ADCY2: variants seen among roughly 807,000 people sequenced by gnomAD.
The protein encoded by ADCY2 is adenylate cyclase 2.
In ADCY2, 31 loss-of-function variants were observed where a neutral mutation model predicts 125.2. The observed-to-expected ratio is 0.25, with a 90% CI of 0.19 to 0.33. The LOEUF (loss-of-function observed/expected upper bound fraction) is 0.33. Ranked by LOEUF, ADCY2 falls within the 10% of genes least tolerant of loss-of-function variation. The pLI is 1.00. For missense variants in ADCY2, 904 were observed against 1,418.2 expected (o/e 0.64, Z 5.82); for synonymous variants, 512 against 548.4 (o/e 0.93, Z 0.93).
chr5:7,802,059 G>A lies in ADCY2; in HGVS notation c.2629-159G>A, dbSNP rs1378529763. 4.3e-6 allele frequency: 3 copies of A among 697,756 alleles called. No homozygotes were observed. The highest frequency in any genetic ancestry group is 2.0e-5 in the South Asian group (1 of 49,466). 43.2% of individuals were successfully genotyped at this position (697,756 alleles called of 1,614,324 possible). The stretch of plus-strand genomic sequence containing the variant: ...TAGAAGCTTTCCCCTGAGAGCAGCG[G>A]CAGCATCTGGATTGGGCCGCGGCTG... On this transcript the variant is annotated intron_variant, in intron 20 of 24. Transcript: ENST00000338316. This position sits in a 1 kb window ranked among gnomAD's most constrained non-coding sequence, Gnocchi z 4.6.
At chr5:7,653,606 T>TA (rs1201964121) in intron 4 of ADCY2, among the ~76,000 whole-genome samples, 2,026 of 140,600 alleles carry the variant, frequency 0.014, 25 homozygotes, top group African/African-American at 0.029. Context: ...GACTCTGTCT[T>TA]AAAAAAAAAA....
At chr5:7,580,584 G>A (rs987605277) in intron 3 of ADCY2, among the ~76,000 whole-genome samples, 2 of 152,142 alleles carry the variant, frequency 1.3e-5, no homozygotes, top group Non-Finnish European at 2.9e-5. Context: ...CAAAGGCTCA[G>A]TAATCTATAT....
At chr5:7,623,083 T>G (rs1399517751) in intron 3 of ADCY2, among the ~76,000 whole-genome samples, 1 of 152,056 alleles carries the variant, frequency 6.6e-6, no homozygotes, top group African/African-American at 2.4e-5. Context: ...CATATTGGAG[T>G]GTCAGTGTCG....
chr5:7,792,602 C>G (rs770281435), intron 20 of ADCY2, among the ~76,000 whole-genome samples: 5 of 152,134 alleles, frequency 3.3e-5, no homozygotes, highest in Non-Finnish European at 5.9e-5. Context: ...GCCAGACCTC[C>G]AGGAGTAGCA....
intron 2 of ADCY2, among the ~76,000 whole-genome samples, chr5:7,491,904 T>A (rs1743178015): frequency 6.6e-6 from 1 of 152,252 alleles, no homozygotes; most frequent in South Asian, 2.1e-4. Context: ...ATGTTCCACA[T>A]TGTGGTCATT....
chr5:7,795,168 C>T (rs1415724923), intron 20 of ADCY2: 2 of 152,220 alleles, frequency 1.3e-5, no homozygotes, highest in Non-Finnish European at 2.9e-5. Context: ...CACCTCTTGG[C>T]TATGGGGCCT....
chr5:7,603,231 G>A (rs756612307), intron 3 of ADCY2, among the ~76,000 whole-genome samples: 10 of 152,176 alleles, frequency 6.6e-5, no homozygotes, highest in Non-Finnish European at 1.5e-4. Flanking sequence ...GCCTGGGAAA[G>A]CCAATGTGTG....
At chr5:7,531,558 T>C (rs1387719866) in intron 3 of ADCY2, among the ~76,000 whole-genome samples, 1 of 151,940 alleles carries the variant, frequency 6.6e-6, no homozygotes, top group Non-Finnish European at 1.5e-5. Context: ...GGTGGTTCCC[T>C]CTGGAGGTTA....
chr5:7,548,730 T>C (rs1041967388), intron 3 of ADCY2, among the ~76,000 whole-genome samples: 1 of 152,206 alleles, frequency 6.6e-6, no homozygotes, highest in African/African-American at 2.4e-5. Context: ...ATGTTGAAAG[T>C]GGAGTCGAGT....
chr5:7,710,846 G>C (rs982399075), intron 10 of ADCY2, among the ~76,000 whole-genome samples: 8 of 152,150 alleles, frequency 5.3e-5, no homozygotes, highest in Admixed American at 5.2e-4. Context: ...TGGAAGCAAC[G>C]AGAAGCAAAT....
chr5:7,478,306 C>T (rs1263146754), intron 2 of ADCY2, among the ~76,000 whole-genome samples: 1 of 152,108 alleles, frequency 6.6e-6, no homozygotes, highest in Non-Finnish European at 1.5e-5. Context: ...AACATGTAAA[C>T]TAATGTGGCC....
At chr5:7,499,931 A>C (rs1743502159) in intron 2 of ADCY2, among the ~76,000 whole-genome samples, 1 of 152,018 alleles carries the variant, frequency 6.6e-6, no homozygotes, top group African/African-American at 2.4e-5. Context: ...TATAAAAGAA[A>C]ATTTAAAAAA....
intron 10 of ADCY2, among the ~76,000 whole-genome samples, chr5:7,710,786 G>A (rs1350154756): frequency 6.6e-6 from 1 of 152,204 alleles, no homozygotes; most frequent in Non-Finnish European, 1.5e-5. Context: ...GAGCAAGACT[G>A]CAGGGGTCCC....
At chr5:7,500,443 T>C (rs920305541) in intron 2 of ADCY2, among the ~76,000 whole-genome samples, 5 of 152,142 alleles carry the variant, frequency 3.3e-5, no homozygotes, top group Non-Finnish European at 5.9e-5. Flanking sequence ...CTGACAAGCA[T>C]TACATCAGCC....
chr5:7,591,211 A>G (rs1362516105), intron 3 of ADCY2, among the ~76,000 whole-genome samples: 1 of 152,202 alleles, frequency 6.6e-6, no homozygotes, highest in East Asian at 1.9e-4. Flanking sequence ...TGGTATACCT[A>G]TGTCAGAAAA....
intron 22 of ADCY2, among the ~76,000 whole-genome samples, chr5:7,809,346 C>T (rs564770329): frequency 2.8e-4 from 42 of 152,198 alleles, no homozygotes; most frequent in Non-Finnish European, 5.0e-4. Flanking sequence ...TGAATGTATT[C>T]TGAAAGGAAA....
intron 3 of ADCY2, among the ~76,000 whole-genome samples, chr5:7,545,643 A>G (rs991412498): frequency 2.6e-5 from 4 of 152,116 alleles, no homozygotes; most frequent in African/African-American, 9.7e-5. Flanking sequence ...AGTGTCGACG[A>G]TTTTGTGCTT....
intron 16 of ADCY2, among the ~76,000 whole-genome samples, chr5:7,758,981 C>T (rs188420589): frequency 9.3e-4 from 142 of 152,328 alleles, no homozygotes; most frequent in Middle Eastern, 6.8e-3. Context: ...CTCTCAAACA[C>T]CTGCAGATTC....
intron 14 of ADCY2, among the ~76,000 whole-genome samples, chr5:7,732,430 C>T (rs915814338): frequency 6.6e-6 from 1 of 152,208 alleles, no homozygotes; most frequent in African/African-American, 2.4e-5. Flanking sequence ...CTTGGGTAGA[C>T]ATCAATCCTA....
Sources: gnomAD v4.1 joint callset for allele counts (sites outside exome capture counted in the v4.1 genomes callset) on GRCh38, gnomAD v4.1.1 for gene constraint, Gnocchi (gnomAD v3.1) non-coding constraint, MANE v1.5 for transcripts, NCBI Gene and HGNC (gene_info 2026-07-23, HGNC 2026-07-21) for gene names.